The following PRIMA1 variants were observed in gnomAD, a reference collection of about 807,000 sequenced individuals.
PRIMA1 encodes proline-rich membrane anchor 1.
In PRIMA1, 7 loss-of-function variants were observed where a neutral mutation model predicts 17.5. That is an observed-to-expected ratio of 0.40 (90% CI 0.23 to 0.75). The LOEUF (loss-of-function observed/expected upper bound fraction) is 0.75. Among genes scored for constraint, PRIMA1 ranks in the 30% least tolerant of loss-of-function variants. The pLI is 0.37. For missense variants in PRIMA1, 200 were observed against 201.8 expected (o/e 0.99, Z 0.05); for synonymous variants, 97 against 77.9 (o/e 1.25, Z -1.29).
rs138129679 is a variant in PRIMA1 at position 93,779,329 on chromosome 14, C to T, written c.94-18G>A. 1.0e-4 allele frequency: 159 copies of T among 1,539,606 alleles called. No individual in the cohort carries two copies. The African/African-American group carries it at 1.9e-3, about 18-fold the overall frequency. On this transcript the variant is annotated intron_variant, in intron 2 of 4. Transcript: ENST00000393140. ...TGCGTCACCTGTACACATGGGCACA[C>T]GTACCCAAGAGAGAGAGAAGACCAT...
intron 3 of PRIMA1, among the ~76,000 whole-genome samples, chr14:93,769,691 G>A (rs1376349156): frequency 6.6e-6 from 1 of 152,166 alleles, no homozygotes; most frequent in Non-Finnish European, 1.5e-5. Flanking sequence ...TCAGCTTTGC[G>A]ACCCACCAGG....
At chr14:93,781,933 A>G (rs1481540380) in intron 2 of PRIMA1, among the ~76,000 whole-genome samples, 1 of 152,010 alleles carries the variant, frequency 6.6e-6, no homozygotes, top group African/African-American at 2.4e-5. Flanking sequence ...AGATCATGCC[A>G]CTGCACTCCA....
rs1306306276 is a variant in PRIMA1, at chr14:93,737,382, A to G, written c.230-12T>C. 6.2e-7 allele frequency: 1 copy of G among 1,612,916 alleles called. No homozygotes were observed. The highest frequency in any genetic ancestry group is 1.7e-5 in the Admixed American group (1 of 59,810). On this transcript the variant is annotated splice_polypyrimidine_tract_variant and intron_variant, in intron 3 of 4. Transcript: ENST00000393140. Reference sequence around the variant, plus strand: ...GGTAGAGTTGGGAGCTGAAAAAGACAGGAGCAGCCTGAGTGTCACCTGGAT... The same window carrying G: ...GGTAGAGTTGGGAGCTGAAAAAGACGGGAGCAGCCTGAGTGTCACCTGGAT...
intron 4 of PRIMA1, among the ~76,000 whole-genome samples, chr14:93,733,326 A>AG (rs60536620): frequency 0.68 from 102,974 of 152,106 alleles, 35,084 homozygotes; most frequent in South Asian, 0.76. Flanking sequence ...GAGTCACAGG[A>AG]GAAGTGTTAT....
At chr14:93,765,010 G>A (rs1222649235) in intron 3 of PRIMA1, among the ~76,000 whole-genome samples, 2 of 152,164 alleles carry the variant, frequency 1.3e-5, no homozygotes, top group East Asian at 3.9e-4. Flanking sequence ...TTGAGCTGGG[G>A]TTATTGGCTT....
intron 2 of PRIMA1, among the ~76,000 whole-genome samples, chr14:93,785,756 G>T (rs952666888): frequency 6.6e-6 from 1 of 152,046 alleles, no homozygotes; most frequent in Non-Finnish European, 1.5e-5. Flanking sequence ...TTTTTCCAGA[G>T]CCTCAAGCCA....
intron 3 of PRIMA1, among the ~76,000 whole-genome samples, chr14:93,764,310 C>T (rs941780375): frequency 6.1e-5 from 8 of 130,532 alleles, no homozygotes; most frequent in East Asian, 2.7e-4. Flanking sequence ...GCTGAAGAAT[C>T]GTCTCCCATC....
chr14:93,761,935 T>C (rs964446439), intron 3 of PRIMA1, among the ~76,000 whole-genome samples: 2 of 152,230 alleles, frequency 1.3e-5, no homozygotes, highest in African/African-American at 2.4e-5. Flanking sequence ...ATTCCACCTC[T>C]TTCTGATTTT....
chr14:93,781,178 G>A (rs987526603), intron 2 of PRIMA1, among the ~76,000 whole-genome samples: 11 of 152,240 alleles, frequency 7.2e-5, no homozygotes, highest in Non-Finnish European at 1.3e-4. Context: ...CATTGACTGC[G>A]TTTCAAACCC....
intron 4 of PRIMA1, among the ~76,000 whole-genome samples, chr14:93,728,642 G>A (rs1248577885): frequency 6.6e-6 from 1 of 152,152 alleles, no homozygotes; most frequent in Non-Finnish European, 1.5e-5. Flanking sequence ...GACCCAGCAT[G>A]TCTGGAGAGA....
chr14:93,755,997 TC>T (rs1422269458), intron 3 of PRIMA1, among the ~76,000 whole-genome samples: 1 of 152,130 alleles, frequency 6.6e-6, no homozygotes, highest in Non-Finnish European at 1.5e-5. Flanking sequence ...TCTCCTTCTC[TC>T]CCTCCCTAGC....
intron 3 of PRIMA1, among the ~76,000 whole-genome samples, chr14:93,760,097 C>G (rs1334156638): frequency 6.6e-6 from 1 of 152,240 alleles, no homozygotes; most frequent in East Asian, 1.9e-4. Context: ...GGAGAGGCAG[C>G]ATAAATCAAG....
intron 4 of PRIMA1, among the ~76,000 whole-genome samples, chr14:93,734,779 CT>C (rs2076139207): frequency 6.6e-6 from 1 of 152,110 alleles, no homozygotes; most frequent in African/African-American, 2.4e-5. Flanking sequence ...AGCCCACTAT[CT>C]GAAGTCTGGT....
chr14:93,756,252 T>C (rs890623113), intron 3 of PRIMA1, among the ~76,000 whole-genome samples: 1 of 152,180 alleles, frequency 6.6e-6, no homozygotes, highest in Non-Finnish European at 1.5e-5. Flanking sequence ...TTTCTTTTTT[T>C]AAACACTGGG....
At chr14:93,787,967 G>T (rs1199592738) in intron 1 of PRIMA1, among the ~76,000 whole-genome samples, 1 of 152,148 alleles carries the variant, frequency 6.6e-6, no homozygotes, top group Non-Finnish European at 1.5e-5. Flanking sequence ...AGAGCCCCGC[G>T]TGTACACTTT....
At chr14:93,736,451 G>A (rs1185743755) in intron 4 of PRIMA1, among the ~76,000 whole-genome samples, 1 of 152,250 alleles carries the variant, frequency 6.6e-6, no homozygotes, top group African/African-American at 2.4e-5. Flanking sequence ...ATTTATCAGT[G>A]TTTTTGGAGA....
chr14:93,788,523 C>A (rs1885597983), upstream of PRIMA1: 1 of 152,316 alleles, frequency 6.6e-6, no homozygotes, highest in African/African-American at 2.4e-5. Flanking sequence ...AGCCAGCCGC[C>A]TCCCCAGTCC....
At chr14:93,779,392 G>T in intron 2 of PRIMA1, 81 bp from the exon 3 acceptor site, 3 of 1,231,792 alleles carry the variant, frequency 2.4e-6, no homozygotes, top group Non-Finnish European at 3.3e-6. Context: ...AGGCCACCCC[G>T]TCCCCTGCCA....
chr14:93,782,562 A>G (rs950373610), intron 2 of PRIMA1, among the ~76,000 whole-genome samples: 1 of 151,156 alleles, frequency 6.6e-6, no homozygotes, highest in African/African-American at 2.4e-5. Context: ...TTGAGGCTGC[A>G]GTGAGCTATT....
Sources: gnomAD v4.1 joint callset for allele counts (sites outside exome capture counted in the v4.1 genomes callset) on GRCh38, gnomAD v4.1.1 for gene constraint, MANE v1.5 for transcripts, NCBI Gene and HGNC (gene_info 2026-07-23, HGNC 2026-07-21) for gene names.